RASSF8: variants seen among roughly 807,000 people sequenced by gnomAD.
RASSF8 encodes the protein ras association domain-containing protein 8.
A neutral mutation model predicts 48.5 loss-of-function variants in RASSF8; 22 were observed. That is an observed-to-expected ratio of 0.45 (90% CI 0.32 to 0.65). RASSF8 has a LOEUF of 0.65. Among genes scored for constraint, RASSF8 ranks in the 30% least tolerant of loss-of-function variants. RASSF8 has a pLI of 0.03. For synonymous variants in RASSF8, 127 were observed against 171.5 expected, an observed-to-expected ratio of 0.74 and a Z score of 2.03; for missense variants, 418 against 489.2, an observed-to-expected ratio of 0.85 and a Z score of 1.37.
chr12:26,070,538 T>C lies in RASSF8; in HGVS notation c.*1720T>C, dbSNP rs1052397578. The C allele has an allele frequency of 1.0e-6, 1 of 982,798 alleles. No homozygotes were observed. The highest frequency in any genetic ancestry group is 1.7e-5 in the African/African-American group (1 of 57,172). 60.9% of individuals were successfully genotyped at this position (982,798 alleles called of 1,614,324 possible). A position where few individuals can be genotyped will look rare whatever the true frequency, so the allele number is the denominator to read the frequency against. On this transcript the variant is annotated 3_prime_UTR_variant, in exon 6 of 6. Transcript: ENST00000689635. ...GCAAATAACTGAAGTAAATGATTCT[T>C]ACCTAAATAACCACAACCTGTACAC...
In RASSF8 at chr12:26,068,709, A is replaced by C; in HGVS notation, c.1151A>C (p.Gln384Pro). The change falls in exon 6 of 6, where the codon CAG (glutamine) becomes CCG (proline). Residue 384 changes from glutamine (Q) to proline (P), a missense_variant. Transcript: ENST00000689635. ...HADIEREAPF[Q>P]SGSLKRPGSS... The stretch of plus-strand genomic sequence containing the variant: ...GTTTCCTGTTTAGAGGCACCATTCC[A>C]GTCTGGGTCCCTGAAGCGACCTGGT... 1 of 1,537,256 alleles carries C rather than the reference A, an allele frequency of 6.5e-7. No individual in the cohort carries two copies. Among genetic ancestry groups the C allele is most frequent in the East Asian group, 2.4e-5 (1 of 40,918 alleles).
intron 2 of RASSF8, among the ~76,000 whole-genome samples, chr12:26,035,331 G>GA (rs1422861638): frequency 6.8e-6 from 1 of 147,910 alleles, no homozygotes; most frequent in East Asian, 2.0e-4. Context: ...TATTGTAAGA[G>GA]AAAAAATTTT....
At chr12:26,041,758 A>G (rs1445955111) in intron 2 of RASSF8, among the ~76,000 whole-genome samples, 2 of 152,216 alleles carry the variant, frequency 1.3e-5, no homozygotes, top group Admixed American at 1.3e-4. Context: ...TATGACACGA[A>G]TTTGTATAAT....
chr12:25,971,268 G>A (rs1181113709), intron 1 of RASSF8, among the ~76,000 whole-genome samples: 1 of 152,174 alleles, frequency 6.6e-6, no homozygotes, highest in African/African-American at 2.4e-5. Context: ...GGAAACACAT[G>A]GCTTCTTAAT....
intron 2 of RASSF8, 22 bp from the exon 3 acceptor site, chr12:26,055,214 G>A: frequency 1.5e-6 from 1 of 688,324 alleles, no homozygotes; most frequent in Non-Finnish European, 2.6e-6. Context: ...TTTATTACAA[G>A]TGATTTTTTG....
intron 1 of RASSF8, among the ~76,000 whole-genome samples, chr12:25,989,926 G>A (rs370812008): frequency 4.2e-4 from 64 of 152,236 alleles, no homozygotes; most frequent in Middle Eastern, 3.4e-3. Flanking sequence ...GGGCTCCACC[G>A]TTTACTAGTC....
chr12:25,978,310 A>T (rs1370777383), intron 1 of RASSF8, among the ~76,000 whole-genome samples: 2 of 152,144 alleles, frequency 1.3e-5, no homozygotes, highest in East Asian at 3.8e-4. Context: ...TAACATCCTT[A>T]TATATTCTGG....
intron 1 of RASSF8, among the ~76,000 whole-genome samples, chr12:25,989,467 G>A (rs191754511): frequency 1.1e-4 from 16 of 151,692 alleles, no homozygotes; most frequent in Non-Finnish European, 1.9e-4. Context: ...TCAAAACGGC[G>A]AAGTTGGTTT....
At chr12:26,018,188 T>C (rs1029409961) in intron 2 of RASSF8, among the ~76,000 whole-genome samples, 9 of 152,216 alleles carry the variant, frequency 5.9e-5, no homozygotes, top group African/African-American at 1.9e-4. Flanking sequence ...AAAGGATTGC[T>C]TCATTTAATC....
chr12:26,067,814 G>C (rs929533103), intron 5 of RASSF8, 101 bp downstream of exon 5: 40 of 1,454,968 alleles, frequency 2.7e-5, no homozygotes, highest in Non-Finnish European at 3.7e-5. Flanking sequence ...GCCCAGGCTG[G>C]AATGCCAGGG....
chr12:26,039,707 A>C lies in RASSF8; in HGVS notation c.-108-15529A>C, dbSNP rs531398753. Reference sequence around the variant, plus strand: ...TTCCATTGATTTTTCTAATAATATGAATTTTCATTCAATGTTTTTGCCATG... The same window carrying C: ...TTCCATTGATTTTTCTAATAATATGCATTTTCATTCAATGTTTTTGCCATG... On this transcript the variant is annotated intron_variant, in intron 2 of 5. Coordinates refer to ENST00000689635, the MANE Select transcript of RASSF8 (RefSeq NM_001394098.1). Among the ~76,000 whole-genome samples, 13 of 152,262 alleles carry C rather than the reference A, an allele frequency of 8.5e-5. No individual in the cohort carries two copies. The South Asian group carries it at 2.7e-3, about 32-fold the overall frequency.
chr12:26,016,936 A>T (rs1387974000), intron 2 of RASSF8, among the ~76,000 whole-genome samples: 1 of 152,102 alleles, frequency 6.6e-6, no homozygotes, highest in Admixed American at 6.5e-5. Context: ...TCTTTCATTT[A>T]TCTGCTGTGT....
At chr12:26,028,920 TA>T (rs1220515179) in intron 2 of RASSF8, among the ~76,000 whole-genome samples, 1 of 152,132 alleles carries the variant, frequency 6.6e-6, no homozygotes, top group Admixed American at 6.5e-5. Flanking sequence ...TTTGCTTTTT[TA>T]AAAAAAGCCA....
chr12:26,020,846 T>A (rs1243072390), intron 2 of RASSF8, among the ~76,000 whole-genome samples: 2 of 152,162 alleles, frequency 1.3e-5, no homozygotes, highest in Non-Finnish European at 2.9e-5. Context: ...CCTGAGAAAA[T>A]TTCTGAAGCT....
chr12:26,045,541 A>AT (rs1465702073), intron 2 of RASSF8, among the ~76,000 whole-genome samples: 1 of 152,216 alleles, frequency 6.6e-6, no homozygotes, highest in Non-Finnish European at 1.5e-5. Flanking sequence ...CTGCAAAGGA[A>AT]TATGCTTTGA....
At chr12:25,972,680 A>T (rs532961543) in intron 1 of RASSF8, among the ~76,000 whole-genome samples, 2 of 152,326 alleles carry the variant, frequency 1.3e-5, no homozygotes, top group Non-Finnish European at 2.9e-5. Flanking sequence ...AAACAGTAAT[A>T]CCAAAAGGAA....
At chr12:26,011,871 A>G (rs1436294501) in intron 2 of RASSF8, 1 of 152,208 alleles carries the variant, frequency 6.6e-6, no homozygotes, top group African/African-American at 2.4e-5. Context: ...TATGGTATTT[A>G]TTATATTAGC....
intron 2 of RASSF8, among the ~76,000 whole-genome samples, chr12:26,025,316 G>T (rs1357466856): frequency 2.6e-5 from 4 of 152,118 alleles, no homozygotes; most frequent in Non-Finnish European, 5.9e-5. Flanking sequence ...CCAGCACTTT[G>T]GGAAGCCGAG....
intron 2 of RASSF8, among the ~76,000 whole-genome samples, chr12:26,035,469 T>TATAAGTATATGAA (rs1252227237): frequency 9.1e-6 from 1 of 109,660 alleles, no homozygotes; most frequent in African/African-American, 3.1e-5. Flanking sequence ...TATATAATTA[T>TATAAGTATATGAA]ATTATATAAT....
Sources: allele counts gnomAD v4.1 joint callset (sites outside exome capture counted in the v4.1 genomes callset), GRCh38; gene constraint gnomAD v4.1.1; transcripts MANE v1.5; gene names NCBI Gene and HGNC (gene_info 2026-07-23, HGNC 2026-07-21).